The following PHEX variants were observed in gnomAD, a reference collection of about 807,000 sequenced individuals.
PHEX encodes the protein phosphate-regulating neutral endopeptidase PHEX.
Under a neutral mutation model 68.0 loss-of-function variants are expected in PHEX, and 16 were observed. That is an observed-to-expected ratio of 0.24 (90% CI 0.16 to 0.36). PHEX has a LOEUF of 0.36. PHEX is among the 10% of genes least tolerant of loss of function. The pLI is 1.00. For synonymous variants in PHEX, 208 were observed against 205.1 expected (o/e 1.01, Z -0.12); for missense variants, 480 against 575.5 (o/e 0.83, Z 1.70).
intron 2 of PHEX, among the ~76,000 whole-genome samples, chrX:22,042,702 T>C (rs1456678555): frequency 9.0e-6 from 1 of 111,566 alleles, no homozygotes; most frequent in African/African-American, 3.3e-5. Flanking sequence ...GGACAATCAC[T>C]TGAACCTGGG....
chrX:22,036,719 T>A (rs1198630100), intron 1 of PHEX, among the ~76,000 whole-genome samples: 1 of 101,315 alleles, frequency 9.9e-6, no homozygotes, highest in African/African-American at 3.7e-5. Context: ...CCATATATAT[T>A]TTTTTACATA....
At chrX:22,045,423 ATAACT>A (rs1927486248) in intron 2 of PHEX, among the ~76,000 whole-genome samples, 1 of 112,298 alleles carries the variant, frequency 8.9e-6, no homozygotes, top group Non-Finnish European at 1.9e-5. Context: ...CAATTGGTAC[ATAACT>A]TTGTGCTAGA....
In PHEX at chrX:22,187,222, G is replaced by A. The variant is rs758381315; in HGVS notation, c.1587-3222G>A. Reference sequence around the variant, plus strand: ...AGTGTCAGCCGGCTGGGCTCTTATGGGGAGGTTCTGGGAATAATCCCCTTC... The same window carrying A: ...AGTGTCAGCCGGCTGGGCTCTTATGAGGAGGTTCTGGGAATAATCCCCTTC... On this transcript the variant is annotated intron_variant, in intron 14 of 21. Coordinates refer to ENST00000379374, the MANE Select transcript of PHEX (RefSeq NM_000444.6). Among the ~76,000 whole-genome samples the A allele has an allele frequency of 7.2e-5, 8 of 111,831 alleles. No homozygotes were observed. In the South Asian group the frequency reaches 3.0e-3, roughly 43 times the overall value.
intron 15 of PHEX, among the ~76,000 whole-genome samples, chrX:22,210,510 GA>G (rs1934886386): frequency 9.0e-6 from 1 of 111,490 alleles, no homozygotes; most frequent in South Asian, 3.7e-4. Flanking sequence ...GCTTTTTGAT[GA>G]TTTATTATGT....
At chrX:22,240,535 G>A (rs1936147375) in intron 20 of PHEX, among the ~76,000 whole-genome samples, 1 of 110,047 alleles carries the variant, frequency 9.1e-6, no homozygotes, top group South Asian at 3.9e-4. Context: ...ATAAAGGGAT[G>A]GAGGAAGATC....
chrX:22,246,592 T>TA (rs757487925), intron 21 of PHEX, among the ~76,000 whole-genome samples: 2 of 112,256 alleles, frequency 1.8e-5, no homozygotes, highest in Non-Finnish European at 3.8e-5. Flanking sequence ...CACAGTAGAT[T>TA]AATTACTCAA....
intron 15 of PHEX, among the ~76,000 whole-genome samples, chrX:22,211,293 GC>G (rs1286255059): frequency 1.8e-5 from 2 of 112,082 alleles, no homozygotes; most frequent in Non-Finnish European, 3.8e-5. Flanking sequence ...CATTGAGGGG[GC>G]TAAAATATAA....
intron 12 of PHEX, among the ~76,000 whole-genome samples, chrX:22,153,675 C>T (rs750848535): frequency 9.0e-6 from 1 of 111,683 alleles, no homozygotes; most frequent in African/African-American, 3.3e-5. Flanking sequence ...ACTCGTGCAG[C>T]AATTCTACCA....
intron 11 of PHEX, among the ~76,000 whole-genome samples, chrX:22,119,472 T>A (rs1257264506): frequency 8.9e-6 from 1 of 111,844 alleles, no homozygotes; most frequent in Non-Finnish European, 1.9e-5. Context: ...CTGATCCATA[T>A]GCTCATGACC....
chrX:22,037,064 A>C (rs1272322369), intron 1 of PHEX, among the ~76,000 whole-genome samples: 2 of 100,879 alleles, frequency 2.0e-5, no homozygotes, highest in Non-Finnish European at 4.0e-5. Context: ...ACCCCACTGC[A>C]CTCCAGCCTG....
At chrX:22,184,814 T>C in intron 14 of PHEX, among the ~76,000 whole-genome samples, 1 of 112,279 alleles carries the variant, frequency 8.9e-6, no homozygotes, top group Non-Finnish European at 1.9e-5. Flanking sequence ...TTGAAAAATA[T>C]GTAAAAATGC....
chrX:22,043,504 C>G (rs893729307), intron 2 of PHEX, among the ~76,000 whole-genome samples: 2 of 110,682 alleles, frequency 1.8e-5, no homozygotes, highest in Non-Finnish European at 3.8e-5. Flanking sequence ...GTTAAATCAC[C>G]TGCCTAAGGT....
intron 3 of PHEX, among the ~76,000 whole-genome samples, chrX:22,063,401 T>C (rs777939690): frequency 8.0e-5 from 9 of 112,678 alleles, no homozygotes; most frequent in African/African-American, 2.9e-4. Flanking sequence ...TCTACTCTTT[T>C]AATTGAGGTC....
Position 22,122,588 on chromosome X carries a change from C to T in PHEX, c.1302+8002C>T, listed in dbSNP as rs146647313. ...ATAAATGATGCAAGAGTTTCTGTTG[C>T]TTTGGTAATGCTGTGTAACAATCAA... On this transcript the variant is annotated intron_variant, in intron 11 of 21. Coordinates refer to ENST00000379374, the MANE Select transcript of PHEX (RefSeq NM_000444.6). 7.1e-4 allele frequency among the ~76,000 whole-genome samples: 80 copies of T among 112,013 alleles called. 1 individual carries two copies. The East Asian group carries it at 0.022, about 31-fold the overall frequency.
chrX:22,187,207 G>A (rs915748041), intron 14 of PHEX, among the ~76,000 whole-genome samples: 2 of 111,785 alleles, frequency 1.8e-5, no homozygotes, highest in East Asian at 2.8e-4. Flanking sequence ...AGTGTCAGCC[G>A]GCTGGGCTCT....
chrX:22,238,473 G>A (rs749018088), intron 20 of PHEX, among the ~76,000 whole-genome samples: 20 of 111,192 alleles, frequency 1.8e-4, no homozygotes, highest in South Asian at 3.8e-4. Context: ...TACCGGGCTC[G>A]GTGCATCCCA....
At chrX:22,235,004 C>T (rs1447782195) in intron 20 of PHEX, among the ~76,000 whole-genome samples, 1 of 111,509 alleles carries the variant, frequency 9.0e-6, no homozygotes, top group Non-Finnish European at 1.9e-5. Flanking sequence ...GTTGCGAAGA[C>T]CGTGGGGAAA....
intron 15 of PHEX, among the ~76,000 whole-genome samples, chrX:22,201,708 A>G (rs1934564649): frequency 9.0e-6 from 1 of 111,674 alleles, no homozygotes; most frequent in African/African-American, 3.3e-5. Context: ...TAAGGATGCA[A>G]TTTGCCGCTT....
At chrX:22,082,722 G>A (rs944356868) in intron 5 of PHEX, among the ~76,000 whole-genome samples, 30 of 111,762 alleles carry the variant, frequency 2.7e-4, no homozygotes, top group African/African-American at 9.4e-4. Flanking sequence ...ATTAAGTCCC[G>A]TTTGTCATTT....
Sources: allele counts gnomAD v4.1 joint callset (sites outside exome capture counted in the v4.1 genomes callset), GRCh38; gene constraint gnomAD v4.1.1; transcripts MANE v1.5; gene names NCBI Gene and HGNC (gene_info 2026-07-23, HGNC 2026-07-21).